PCED1B: variants seen among roughly 807,000 people sequenced by gnomAD.
The protein encoded by PCED1B is PC-esterase domain-containing protein 1B.
For missense variants in PCED1B, 573 were observed against 573.9 expected (o/e 1.00, Z 0.02); for synonymous variants, 251 against 246.1 (o/e 1.02, Z -0.19).
intron 2 of PCED1B, among the ~76,000 whole-genome samples, chr12:47,130,558 G>A (rs561326284): frequency 1.3e-5 from 2 of 152,168 alleles, no homozygotes; most frequent in Non-Finnish European, 2.9e-5. Context: ...ATGTGTTGGT[G>A]CACATCTGTA....
In PCED1B at chr12:47,114,270, C is replaced by T. The variant is rs142691033; in HGVS notation, c.-526+10075C>T. 7.2e-5 allele frequency among the ~76,000 whole-genome samples: 11 copies of T among 152,306 alleles called. No homozygotes were observed. The East Asian group carries it at 1.9e-3, about 27-fold the overall frequency. ...AAACCTGCAAGTTGGATGCTAATCT[C>T]TCCCATTTGACACATGAGGAAACTG... On this transcript the variant is annotated intron_variant, in intron 2 of 3. Coordinates refer to ENST00000546455, the MANE Select transcript of PCED1B (RefSeq NM_138371.3).
At chr12:47,199,626 C>A (rs832739) in intron 2 of PCED1B, among the ~76,000 whole-genome samples, 8,193 of 152,226 alleles carry the variant, frequency 0.054, 295 homozygotes, top group African/African-American at 0.098. Flanking sequence ...AAAGACTAAT[C>A]TTTTCAACAA....
chr12:47,146,580 G>A (rs1196333366), intron 2 of PCED1B, among the ~76,000 whole-genome samples: 6 of 152,146 alleles, frequency 3.9e-5, no homozygotes, highest in Admixed American at 3.9e-4. Context: ...TGATCAGATT[G>A]AGGCAAGACC....
intron 2 of PCED1B, among the ~76,000 whole-genome samples, chr12:47,112,048 C>T (rs1402227605): frequency 6.6e-6 from 1 of 152,190 alleles, no homozygotes; most frequent in Non-Finnish European, 1.5e-5. Context: ...TGCCAACCCC[C>T]AGCCCACGCG....
chr12:47,147,144 G>T (rs1374034175), intron 2 of PCED1B, among the ~76,000 whole-genome samples: 1 of 151,840 alleles, frequency 6.6e-6, no homozygotes, highest in Non-Finnish European at 1.5e-5. Context: ...GGGACTACAG[G>T]CATGTGTCAC....
chr12:47,159,630 A>T (rs575277732), intron 2 of PCED1B, among the ~76,000 whole-genome samples: 1 of 151,436 alleles, frequency 6.6e-6, no homozygotes, highest in African/African-American at 2.4e-5. Context: ...TATATTCTGG[A>T]TATTAGTCCT....
intron 2 of PCED1B, among the ~76,000 whole-genome samples, chr12:47,117,304 CG>C (rs1287602191): frequency 6.6e-6 from 1 of 152,076 alleles, no homozygotes; most frequent in Admixed American, 6.6e-5. Flanking sequence ...CCCATTAACT[CG>C]TCATTTACAT....
intron 2 of PCED1B, among the ~76,000 whole-genome samples, chr12:47,167,774 A>G (rs1307430707): frequency 6.6e-6 from 1 of 152,230 alleles, no homozygotes; most frequent in Non-Finnish European, 1.5e-5. Context: ...AAAACAGCAG[A>G]GCCCAGAGAG....
chr12:47,215,599 G>A (rs1400448446), intron 2 of PCED1B, among the ~76,000 whole-genome samples: 1 of 152,136 alleles, frequency 6.6e-6, no homozygotes, highest in Non-Finnish European at 1.5e-5. Context: ...TTACCTGCTG[G>A]TTTCAAGTGG....
chr12:47,101,199 T>TTTA (rs1165535313), intron 1 of PCED1B, among the ~76,000 whole-genome samples: 6 of 152,160 alleles, frequency 3.9e-5, no homozygotes, highest in African/African-American at 1.2e-4. Flanking sequence ...AGGCACATCT[T>TTTA]TTATTATTAT....
At chr12:47,129,250 A>C (rs1478682888) in intron 2 of PCED1B, among the ~76,000 whole-genome samples, 1 of 152,174 alleles carries the variant, frequency 6.6e-6, no homozygotes, top group African/African-American at 2.4e-5. Context: ...AGGCAGGTGG[A>C]TCTCTTGAGC....
chr12:47,226,900 G>T (rs1451442439), intron 3 of PCED1B, among the ~76,000 whole-genome samples: 1 of 152,050 alleles, frequency 6.6e-6, no homozygotes, highest in Non-Finnish European at 1.5e-5. Flanking sequence ...CTCTGAAAAT[G>T]GATGCTATCG....
At chr12:47,185,342 A>G (rs923297592) in intron 2 of PCED1B, among the ~76,000 whole-genome samples, 3 of 152,232 alleles carry the variant, frequency 2.0e-5, no homozygotes, top group Non-Finnish European at 4.4e-5. Flanking sequence ...GCAGAGACAC[A>G]CACAGAGGGA....
intron 2 of PCED1B, among the ~76,000 whole-genome samples, chr12:47,187,569 A>G (rs981727308): frequency 1.3e-5 from 2 of 152,192 alleles, no homozygotes; most frequent in Non-Finnish European, 2.9e-5. Context: ...GCACTAAATA[A>G]TAAATGTGTC....
intron 2 of PCED1B, among the ~76,000 whole-genome samples, chr12:47,197,330 G>GGTGCA (rs1404647398): frequency 6.6e-6 from 1 of 151,294 alleles, no homozygotes; most frequent in Non-Finnish European, 1.5e-5. Context: ...ATGATAGCCC[G>GGTGCA]GTGCAGTGGC....
chr12:47,153,786 A>G (rs1470353800), intron 2 of PCED1B, among the ~76,000 whole-genome samples: 3 of 152,208 alleles, frequency 2.0e-5, no homozygotes, highest in Non-Finnish European at 4.4e-5. Context: ...AACAAAGAAT[A>G]AAAGAACAAT....
chr12:47,186,710 ATGGCCC>A (rs1942280592), intron 2 of PCED1B, among the ~76,000 whole-genome samples: 2 of 152,210 alleles, frequency 1.3e-5, no homozygotes, highest in Non-Finnish European at 2.9e-5. Context: ...CAGAAGGAGC[ATGGCCC>A]TGCTGACACC....
In PCED1B at chr12:47,083,075, T is replaced by C. The variant is rs1937819637; in HGVS notation, c.-609+3350T>C. On this transcript the variant is annotated intron_variant, in intron 1 of 3. Coordinates refer to ENST00000546455, the MANE Select transcript of PCED1B (RefSeq NM_138371.3). ...AATACTATCTGCCTGAGGCAGTAAT[T>C]TGAGGTGATGAAATCACAGGAGTTC... Among the ~76,000 whole-genome samples the C allele has an allele frequency of 2.0e-5, 3 of 151,084 alleles. No individual in the cohort carries two copies. The South Asian group carries it at 6.4e-4, about 32-fold the overall frequency.
intron 2 of PCED1B, among the ~76,000 whole-genome samples, chr12:47,156,318 A>C (rs1941191098): frequency 6.6e-6 from 1 of 152,172 alleles, no homozygotes; most frequent in South Asian, 2.1e-4. Context: ...CCATGGCAGT[A>C]ATCAGTCAAA....
Sources: gnomAD v4.1 joint callset for allele counts (sites outside exome capture counted in the v4.1 genomes callset) on GRCh38, gnomAD v4.1.1 for gene constraint, MANE v1.5 for transcripts, NCBI Gene and HGNC (gene_info 2026-07-23, HGNC 2026-07-21) for gene names.